Variants in ALMS1 observed in about 807,000 individuals in gnomAD.
ALMS1 encodes ALMS1 centrosome and basal body associated protein, also known as centrosome-associated protein ALMS1.
ALMS1 carries 271 observed loss-of-function variants against 352.2 expected under a neutral mutation model. That is an observed-to-expected ratio of 0.77 (90% CI 0.70 to 0.85). The LOEUF is 0.85. Ranked by LOEUF, ALMS1 falls within the 40% of genes least tolerant of loss-of-function variation. The pLI, the probability that ALMS1 is intolerant of heterozygous loss-of-function variation, is 0.00. For synonymous variants in ALMS1, 1,865 were observed against 1,761.2 expected (o/e 1.06, Z -1.48); for missense variants, 5,445 against 4,870.7 (o/e 1.12, Z -3.51).
At chr2:73,578,600 T>C (rs1483055120) in intron 16 of ALMS1, among the ~76,000 whole-genome samples, 1 of 152,082 alleles carries the variant, frequency 6.6e-6, no homozygotes, top group Non-Finnish European at 1.5e-5. Flanking sequence ...TGATATGAAA[T>C]AAAACCAACT....
At position 73,385,988 on chromosome 2, in the gene ALMS1, A is replaced by C; in HGVS notation, c.120A>C (p.Val40=). 1 of 1,548,150 alleles carries C rather than the reference A, an allele frequency of 6.5e-7. No homozygotes were observed. The highest frequency in any genetic ancestry group is 1.4e-5 in the African/African-American group (1 of 72,794). Residue 40 remains valine, a synonymous_variant, in exon 1 of 23, where the codon GTA becomes GTC. Transcript: ENST00000613296. ...AAAAAANVDD[V]VVVEEVEEEA... ...CGGCGGCGGCGAACGTGGACGACGTAGTGGTCGTGGAGGAGGTGGAGGAAG... is the reference window on the plus strand; with the variant it reads ...CGGCGGCGGCGAACGTGGACGACGTCGTGGTCGTGGAGGAGGTGGAGGAAG...
intron 9 of ALMS1, among the ~76,000 whole-genome samples, chr2:73,488,333 C>A (rs1572967682): frequency 1.3e-5 from 2 of 152,364 alleles, no homozygotes; most frequent in South Asian, 4.1e-4. Context: ...TGTGCGCACA[C>A]CTGGCTGGGT....
intron 9 of ALMS1, among the ~76,000 whole-genome samples, chr2:73,455,959 A>T (rs1313098978): frequency 1.3e-5 from 2 of 152,318 alleles, no homozygotes; most frequent in Middle Eastern, 3.4e-3. Context: ...CACAGCTATA[A>T]TAGCTTATGT....
intron 10 of ALMS1, among the ~76,000 whole-genome samples, chr2:73,508,880 A>G (rs1673391348): frequency 6.6e-6 from 1 of 152,138 alleles, no homozygotes; most frequent in East Asian, 1.9e-4. Context: ...GTCGCTAAGA[A>G]CTTGCTTTAT....
chr2:73,424,569 G>A lies in ALMS1; in HGVS notation c.904G>A (p.Gly302Ser). 1 of 1,614,008 alleles carries A rather than the reference G, an allele frequency of 6.2e-7. No homozygotes were observed. Among genetic ancestry groups the A allele is most frequent in the Non-Finnish European group, 8.5e-7 (1 of 1,180,008 alleles). ...RFSVSQHPLI[G>S]STAVGSQCPF... Reference sequence around the variant, plus strand: ...TAGTGTATCTCAGCACCCGCTTATAGGCAGCACAGCTGTTGGGTCTCAGTG... The same window carrying A: ...TAGTGTATCTCAGCACCCGCTTATAAGCAGCACAGCTGTTGGGTCTCAGTG... The change falls in exon 5 of 23, where the codon GGC (glycine) becomes AGC (serine). Residue 302 changes from glycine to serine, a missense_variant. Transcript: ENST00000613296.
At chr2:73,533,563 C>T (rs573316292) in intron 11 of ALMS1, among the ~76,000 whole-genome samples, 5 of 152,192 alleles carry the variant, frequency 3.3e-5, no homozygotes, top group African/African-American at 1.2e-4. Context: ...GCACTCTTCC[C>T]ATGGGCTGAA....
At chr2:73,388,988 G>T (rs1291409860) in intron 1 of ALMS1, among the ~76,000 whole-genome samples, 1 of 152,096 alleles carries the variant, frequency 6.6e-6, no homozygotes, top group Non-Finnish European at 1.5e-5. Flanking sequence ...TCAAATGGTA[G>T]TTCTGTTTTG....
Position 73,463,907 on chromosome 2 carries a change from C to A in ALMS1, c.7674+8612C>A, listed in dbSNP as rs562861122. 4.5e-4 allele frequency among the ~76,000 whole-genome samples: 69 copies of A among 152,152 alleles called. No individual in the cohort carries two copies. In the East Asian group the frequency reaches 6.8e-3, roughly 15 times the overall value. On this transcript the variant is annotated intron_variant, in intron 9 of 22. Transcript: ENST00000613296. Reference sequence around the variant, plus strand: ...CAAGACTAAACCAGGAAGAAGTTGACTCTCTGAATAGACCAATAACAGGAT... The same window carrying A: ...CAAGACTAAACCAGGAAGAAGTTGAATCTCTGAATAGACCAATAACAGGAT...
At chr2:73,538,884 G>A (rs969566011) in intron 12 of ALMS1, among the ~76,000 whole-genome samples, 1 of 152,194 alleles carries the variant, frequency 6.6e-6, no homozygotes, top group Non-Finnish European at 1.5e-5. Flanking sequence ...CAAAGCGGCC[G>A]GGAAGCTCGA....
rs1673633388 is a variant in ALMS1 at position 73,519,772 on chromosome 2, CAG to C, written c.9540-1_9540del. On this transcript the variant is annotated splice_acceptor_variant, in intron 10 of 22. Transcript: ENST00000613296. LOFTEE classifies it high-confidence loss of function. ...TGCTGTATTCTTTCTCTTTTTTGGT[CAG>C]ATTACCAGAGAAGATGAAGACCCCA... 2 of 1,613,566 alleles carry C rather than the reference CAG, an allele frequency of 1.2e-6. No homozygotes were observed. The highest frequency in any genetic ancestry group is 1.7e-6 in the Non-Finnish European group (2 of 1,179,806).
Position 73,519,989 on chromosome 2 carries a change from C to T in ALMS1, c.9754C>T (p.Gln3252Ter), listed in dbSNP as rs1673643995. ...GTTTGCCTCATCATCTTCAGTCCAA[C>T]AGGTTACTTTTTCTCGCGGCACAGA... ...VKFASSSSVQ[Q>*]VTFSRGTDGQ... The change falls in exon 11 of 23, where the codon CAG becomes TAG. Residue 3252 changes from glutamine to a stop codon, truncating the protein, a stop_gained. Coordinates refer to ENST00000613296, the MANE Select transcript of ALMS1 (RefSeq NM_001378454.1). LOFTEE classifies it high-confidence loss of function. 2 of 1,613,984 alleles carry T rather than the reference C, an allele frequency of 1.2e-6. No homozygotes were observed. Among genetic ancestry groups the T allele is most frequent in the Non-Finnish European group, 1.7e-6 (2 of 1,179,980 alleles).
chr2:73,413,680 G>A (rs1358338417), intron 2 of ALMS1, among the ~76,000 whole-genome samples: 1 of 152,122 alleles, frequency 6.6e-6, no homozygotes, highest in Non-Finnish European at 1.5e-5. Flanking sequence ...GTAGTTTTAC[G>A]TTTTACATTT....
intron 6 of ALMS1, among the ~76,000 whole-genome samples, chr2:73,429,462 T>C (rs1398395462): frequency 6.6e-6 from 1 of 152,030 alleles, no homozygotes; most frequent in Non-Finnish European, 1.5e-5. Flanking sequence ...TTTGTCTTTT[T>C]AGTAGAGACG....
intron 7 of ALMS1, 138 bp from the exon 8 acceptor site, chr2:73,447,822 A>G: frequency 6.0e-6 from 7 of 1,170,064 alleles, no homozygotes; most frequent in Non-Finnish European, 8.0e-6. Context: ...GTGTGCAAAT[A>G]TTTATCTCCT....
chr2:73,390,683 A>G (rs1670625780), intron 1 of ALMS1, among the ~76,000 whole-genome samples: 1 of 152,130 alleles, frequency 6.6e-6, no homozygotes, highest in Admixed American at 6.5e-5. Flanking sequence ...TGTGCTGGGG[A>G]AGATAATTCA....
Position 73,453,526 on chromosome 2 carries a change from G to A in ALMS1, c.6999G>A (p.Gln2333=). The stretch of plus-strand genomic sequence containing the variant: ...AAAGCCCAAGCAGCAGGTGCATACA[G>A]AAGGATATTGGCACACAGACGAATT... ...TEESPSSRCI[Q]KDIGTQTNLK... The change falls in exon 8 of 23, where the codon CAG becomes CAA. Residue 2333 remains glutamine (Q), a synonymous_variant. Transcript: ENST00000613296. 3 of 1,613,834 alleles carry A rather than the reference G, an allele frequency of 1.9e-6. No homozygotes were observed. The highest frequency in any genetic ancestry group is 2.5e-6 in the Non-Finnish European group (3 of 1,179,982).
intron 12 of ALMS1, among the ~76,000 whole-genome samples, chr2:73,541,734 A>T (rs1674187311): frequency 6.6e-6 from 1 of 152,250 alleles, no homozygotes; most frequent in African/African-American, 2.4e-5. Context: ...AGAATACTAC[A>T]AACACCTCTA....
At position 73,451,387 on chromosome 2, in the gene ALMS1, T is replaced by C. The variant is rs1307202712; in HGVS notation, c.4860T>C (p.Leu1620=). The part of the protein sequence containing the change: ...IPAGPLGSSA[L]GEKPITFYRQ... ...CAGGACCTTTAGGTTCCAGTGCACT[T>C]GGAGAGAAGCCCATTACTTTCTACC... Residue 1620 remains leucine (L), a synonymous_variant, in exon 8 of 23, where the codon CTT becomes CTC. Coordinates refer to ENST00000613296, the MANE Select transcript of ALMS1 (RefSeq NM_001378454.1). 5 of 1,613,868 alleles carry C rather than the reference T, an allele frequency of 3.1e-6. No homozygotes were observed. The highest frequency in any genetic ancestry group is 1.7e-5 in the Admixed American group (1 of 59,996).
intron 6 of ALMS1, among the ~76,000 whole-genome samples, 170 bp downstream of exon 6, chr2:73,426,723 G>A (rs911007964): frequency 6.6e-6 from 1 of 152,172 alleles, no homozygotes; most frequent in Non-Finnish European, 1.5e-5. Flanking sequence ...ATTTCATGGT[G>A]ATCTAGAGAT....
Sources: gnomAD v4.1 joint callset for allele counts (sites outside exome capture counted in the v4.1 genomes callset) on GRCh38, gnomAD v4.1.1 for gene constraint, MANE v1.5 for transcripts, NCBI Gene and HGNC (gene_info 2026-07-23, HGNC 2026-07-21) for gene names.